The following CNTN4 variants were observed in gnomAD, a reference collection of about 807,000 sequenced individuals.
CNTN4 encodes contactin-4.
A neutral mutation model predicts 122.5 loss-of-function variants in CNTN4; 77 were observed. The observed-to-expected ratio is 0.63, with a 90% CI of 0.52 to 0.76. CNTN4 has a LOEUF of 0.76. CNTN4 is among the 30% of genes least tolerant of loss of function. CNTN4 has a pLI of 0.00. For synonymous variants in CNTN4, 512 were observed against 447.0 expected, an observed-to-expected ratio of 1.15 and a Z score of -1.83; for missense variants, 1,256 against 1,259.1, an observed-to-expected ratio of 1.00 and a Z score of 0.04.
chr3:2,563,065 A>G (rs963352288), intron 3 of CNTN4, among the ~76,000 whole-genome samples: 3 of 152,104 alleles, frequency 2.0e-5, no homozygotes, highest in African/African-American at 7.2e-5. Context: ...CAGTAATGGA[A>G]TTTCTGGGTC....
intron 3 of CNTN4, among the ~76,000 whole-genome samples, chr3:2,415,660 T>C (rs1266699035): frequency 6.6e-6 from 1 of 152,216 alleles, no homozygotes. Context: ...CTAATTTCCT[T>C]TGCCTTTTCC....
At chr3:2,736,798 A>AC (rs2089140129) in intron 5 of CNTN4, among the ~76,000 whole-genome samples, 1 of 149,986 alleles carries the variant, frequency 6.7e-6, no homozygotes, top group Admixed American at 6.7e-5. Flanking sequence ...TTATTTATTT[A>AC]TTTATTTATT....
At chr3:2,813,224 A>G (rs1421472393) in intron 6 of CNTN4, among the ~76,000 whole-genome samples, 1 of 152,204 alleles carries the variant, frequency 6.6e-6, no homozygotes, top group Non-Finnish European at 1.5e-5. Flanking sequence ...AGTCATCATT[A>G]TGGAGATCAT....
intron 6 of CNTN4, among the ~76,000 whole-genome samples, chr3:2,772,166 G>A (rs1224741059): frequency 6.6e-6 from 1 of 152,068 alleles, no homozygotes; most frequent in African/African-American, 2.4e-5. Flanking sequence ...CAGCAGAGTG[G>A]TATAACCAGG....
intron 4 of CNTN4, among the ~76,000 whole-genome samples, chr3:2,702,058 C>G (rs1402645469): frequency 1.3e-5 from 2 of 152,098 alleles, no homozygotes; most frequent in African/African-American, 4.8e-5. Context: ...CTCAGGAAAA[C>G]CTGGCCAGTA....
At position 2,692,193 on chromosome 3, in the gene CNTN4, T is replaced by C. The variant is rs536435229; in HGVS notation, c.56-44022T>C. 8.5e-5 allele frequency among the ~76,000 whole-genome samples: 13 copies of C among 152,306 alleles called. 1 individual carries two copies. The South Asian group carries it at 2.7e-3, about 32-fold the overall frequency. Reference sequence around the variant, plus strand: ...CTGCTTATTCACAAATATTTGAAAATGCGATCCCTTGACTAAGTATTTTTG... The same window carrying C: ...CTGCTTATTCACAAATATTTGAAAACGCGATCCCTTGACTAAGTATTTTTG... On this transcript the variant is annotated intron_variant, in intron 4 of 24. Coordinates refer to ENST00000418658, the MANE Select transcript of CNTN4 (RefSeq NM_175607.3).
In CNTN4 at chr3:2,420,243, C is replaced by T. The variant is rs554933894; in HGVS notation, c.-89+81010C>T. The stretch of plus-strand genomic sequence containing the variant: ...TGTGGGAAATTGCACTGCTTATATG[C>T]ACAAGTGAGCTTCATATAAGGAGAA... On this transcript the variant is annotated intron_variant, in intron 3 of 24. Transcript: ENST00000418658. Among the ~76,000 whole-genome samples the T allele has an allele frequency of 5.3e-5, 8 of 152,204 alleles. No homozygotes were observed. The South Asian group carries it at 1.7e-3, about 32-fold the overall frequency.
At chr3:2,658,310 A>G (rs1038692986) in intron 4 of CNTN4, among the ~76,000 whole-genome samples, 1 of 151,900 alleles carries the variant, frequency 6.6e-6, no homozygotes, top group African/African-American at 2.4e-5. Flanking sequence ...CTTTCACCCA[A>G]TAAAACCCTG....
chr3:2,127,109 C>T (rs1000755834), intron 2 of CNTN4, among the ~76,000 whole-genome samples: 2 of 152,176 alleles, frequency 1.3e-5, no homozygotes, highest in Non-Finnish European at 2.9e-5. Flanking sequence ...TGCTAGCTCT[C>T]TTCTCAAGAG....
intron 4 of CNTN4, among the ~76,000 whole-genome samples, chr3:2,600,906 G>A (rs1003299650): frequency 4.6e-5 from 7 of 152,182 alleles, no homozygotes; most frequent in Non-Finnish European, 1.0e-4. Flanking sequence ...ACTGGTGTGA[G>A]ATGGTATCTC....
intron 3 of CNTN4, among the ~76,000 whole-genome samples, chr3:2,348,273 T>C (rs62244018): frequency 0.13 from 19,365 of 152,290 alleles, 1,537 homozygotes; most frequent in Non-Finnish European, 0.18. Flanking sequence ...TTATTTCTTA[T>C]AGGGGTCATA....
intron 6 of CNTN4, among the ~76,000 whole-genome samples, chr3:2,805,841 C>G (rs1408195971): frequency 6.6e-6 from 1 of 152,120 alleles, no homozygotes; most frequent in Non-Finnish European, 1.5e-5. Context: ...TGGGTGATCA[C>G]CGCCAGCAAA....
intron 3 of CNTN4, among the ~76,000 whole-genome samples, chr3:2,420,895 T>C (rs1187014209): frequency 6.6e-6 from 1 of 152,194 alleles, no homozygotes; most frequent in Non-Finnish European, 1.5e-5. Context: ...CCTCAAGAGA[T>C]GGCCGTATTT....
intron 13 of CNTN4, among the ~76,000 whole-genome samples, chr3:2,953,874 A>C (rs2094772174): frequency 6.6e-6 from 1 of 152,164 alleles, no homozygotes; most frequent in East Asian, 1.9e-4. Flanking sequence ...TCATTCATTC[A>C]AATATTATTT....
intron 23 of CNTN4, among the ~76,000 whole-genome samples, chr3:3,047,102 T>C (rs1574927215): frequency 1.3e-5 from 2 of 151,540 alleles, no homozygotes; most frequent in East Asian, 3.9e-4. Context: ...ATGCACCCAA[T>C]ACAGGAGCAC....
rs145944602 is a variant in CNTN4 at position 2,525,877 on chromosome 3, C to A, written c.-88-45539C>A. Among the ~76,000 whole-genome samples, 21 of 152,224 alleles carry A rather than the reference C, an allele frequency of 1.4e-4. No individual in the cohort carries two copies. The East Asian group carries it at 3.7e-3, about 27-fold the overall frequency. ...ATATATACATATGTGCTAGCACACA[C>A]ATGCACAAACACATGCTTACATTGT... is the stretch of plus-strand genomic sequence containing the variant. On this transcript the variant is annotated intron_variant, in intron 3 of 24. Transcript: ENST00000418658.
intron 2 of CNTN4, among the ~76,000 whole-genome samples, chr3:2,236,892 G>A (rs1007599952): frequency 7.9e-5 from 12 of 152,268 alleles, no homozygotes; most frequent in Non-Finnish European, 1.0e-4. Context: ...GGCAGAAGAC[G>A]GTTAAGAGAG....
chr3:2,945,923 T>C (rs1184778682), intron 13 of CNTN4, among the ~76,000 whole-genome samples: 2 of 152,196 alleles, frequency 1.3e-5, no homozygotes, highest in Non-Finnish European at 2.9e-5. Flanking sequence ...AAAAGTGAGA[T>C]AGAAGATTTT....
intron 2 of CNTN4, among the ~76,000 whole-genome samples, chr3:2,135,718 C>G (rs2034660397): frequency 6.6e-6 from 1 of 152,150 alleles, no homozygotes; most frequent in Non-Finnish European, 1.5e-5. Flanking sequence ...AATACACTCT[C>G]TCATTGTCTT....
Sources: allele counts gnomAD v4.1 joint callset (sites outside exome capture counted in the v4.1 genomes callset), GRCh38; gene constraint gnomAD v4.1.1; transcripts MANE v1.5; gene names NCBI Gene and HGNC (gene_info 2026-07-23, HGNC 2026-07-21).